EIF4E3: variants seen among roughly 807,000 people sequenced by gnomAD.
EIF4E3 encodes the protein eukaryotic translation initiation factor 4E family member 3.
A neutral mutation model predicts 31.7 loss-of-function variants in EIF4E3; 26 were observed. That is an observed-to-expected ratio of 0.82 (90% CI 0.60 to 1.14). EIF4E3 has a LOEUF of 1.14. Ranked by LOEUF, EIF4E3 falls within the 50% of genes most tolerant of loss-of-function variation. The pLI, the probability that EIF4E3 is intolerant of heterozygous loss-of-function variation, is 0.00. For synonymous variants in EIF4E3, 128 were observed against 107.7 expected, an observed-to-expected ratio of 1.19 and a Z score of -1.17; for missense variants, 304 against 270.9, an observed-to-expected ratio of 1.12 and a Z score of -0.86.
chr3:71,725,031 C>T lies in EIF4E3; in HGVS notation c.176+161G>A, dbSNP rs1019259912. Among the ~76,000 whole-genome samples the T allele has an allele frequency of 6.6e-6, 1 of 151,970 alleles. No homozygotes were observed. Among genetic ancestry groups the T allele is most frequent in the African/African-American group, 2.4e-5 (1 of 41,426 alleles). ...GCGCGGCCCGAAGCTGGCTTCCGAC[C>T]CGGCGGGGCGAGTCCCGGGGTGCGC... is the stretch of plus-strand genomic sequence containing the variant. On this transcript the variant is annotated intron_variant, in intron 1 of 6. Transcript: ENST00000425534. This position sits in a 1 kb window ranked among gnomAD's most constrained non-coding sequence, Gnocchi z 6.1.
chr3:71,690,994 G>A (rs933316932), intron 5 of EIF4E3, among the ~76,000 whole-genome samples: 4 of 152,150 alleles, frequency 2.6e-5, no homozygotes, highest in Non-Finnish European at 4.4e-5. Flanking sequence ...TGAGAACGGC[G>A]GATGGATAGT....
intron 1 of EIF4E3, among the ~76,000 whole-genome samples, chr3:71,711,771 G>A (rs1393921428): frequency 2.6e-5 from 4 of 152,216 alleles, no homozygotes; most frequent in Non-Finnish European, 5.9e-5. Context: ...GAGGACAGGA[G>A]TTTGAGACCA....
chr3:71,734,121 C>T (rs1469063595), intron 1 of EIF4E3, among the ~76,000 whole-genome samples: 6 of 152,180 alleles, frequency 3.9e-5, no homozygotes, highest in Admixed American at 3.9e-4. Flanking sequence ...TGGCAGGTTG[C>T]ACCTTATGGT....
At chr3:71,696,320 G>T in intron 4 of EIF4E3, 140 bp downstream of exon 4, 1 of 798,086 alleles carries the variant, frequency 1.3e-6, no homozygotes, top group Non-Finnish European at 2.0e-6. Flanking sequence ...AATCATCAAG[G>T]TCAGAACAGA....
chr3:71,713,056 T>A (rs1444248608), intron 1 of EIF4E3, among the ~76,000 whole-genome samples: 1 of 152,104 alleles, frequency 6.6e-6, no homozygotes, highest in East Asian at 1.9e-4. Flanking sequence ...TAGAATAAAA[T>A]AACAACTAGG....
rs1335894537 is a variant in EIF4E3 at position 71,725,311 on chromosome 3, G to A, written c.57C>T (p.Ser19=). The part of the protein sequence containing the change: ...PPAGAREPPG[S]RAAAAAAAPE... ...GGGCGGCGGCAGCGGCGGCGGCGCG[G>A]GACCCCGGCGGCTCCCGGGCCCCGG... The change falls in exon 1 of 7, where the codon TCC becomes TCT. Residue 19 remains serine, a synonymous_variant. Transcript: ENST00000425534. The surrounding 1 kb of genome is among the most constrained non-coding windows in gnomAD (Gnocchi z 6.1). The A allele has an allele frequency of 4.9e-5, 48 of 979,444 alleles. No homozygotes were observed. The highest frequency in any genetic ancestry group is 5.8e-5 in the Non-Finnish European group (48 of 825,194). The allele number at this position is 979,444 out of a possible 1,614,324, so 60.7% of individuals were successfully genotyped here. A position where few individuals can be genotyped will look rare whatever the true frequency, so the allele number is the denominator to read the frequency against.
intron 1 of EIF4E3, among the ~76,000 whole-genome samples, chr3:71,741,248 A>AAGT (rs2049818220): frequency 1.3e-5 from 2 of 152,084 alleles, no homozygotes; most frequent in African/African-American, 4.8e-5. Context: ...TTGTAAGCAA[A>AAGT]AGTAGGAGTT....
At chr3:71,751,433 C>T (rs566741347) in intron 1 of EIF4E3, among the ~76,000 whole-genome samples, 1 of 152,186 alleles carries the variant, frequency 6.6e-6, no homozygotes, top group African/African-American at 2.4e-5. Flanking sequence ...GCTTGGCATA[C>T]GGCAAGTGCT....
chr3:71,693,661 T>C (rs778924193), intron 5 of EIF4E3, among the ~76,000 whole-genome samples: 4 of 152,198 alleles, frequency 2.6e-5, no homozygotes, highest in Non-Finnish European at 5.9e-5. Flanking sequence ...TATATAAATA[T>C]GCACATATGT....
chr3:71,688,567 C>CG (rs1175407192), intron 6 of EIF4E3, among the ~76,000 whole-genome samples: 1 of 152,136 alleles, frequency 6.6e-6, no homozygotes. Context: ...GTGTTCTCCT[C>CG]TTTAGAGTCA....
downstream of EIF4E3, among the ~76,000 whole-genome samples, chr3:71,673,932 A>AT (rs1559581282): frequency 0.02 from 2,540 of 127,296 alleles, 26 homozygotes; most frequent in Middle Eastern, 0.039. Flanking sequence ...TATATATATA[A>AT]AAAACATAAT....
At chr3:71,670,416 C>T (rs892981640), downstream of EIF4E3, among the ~76,000 whole-genome samples, 14 of 152,162 alleles carry the variant, frequency 9.2e-5, no homozygotes, top group Non-Finnish European at 1.6e-4. Context: ...CATTGCACCC[C>T]CCCAACCCCC....
chr3:71,700,265 T>C (rs1260935327), intron 2 of EIF4E3, among the ~76,000 whole-genome samples: 2 of 152,228 alleles, frequency 1.3e-5, no homozygotes, highest in South Asian at 2.1e-4. Context: ...AAGCTATGGT[T>C]ATTAAGCAAA....
In EIF4E3 at chr3:71,690,049, G is replaced by A. The variant is rs1022877113; in HGVS notation, c.589C>T (p.Leu197Phe). 1.9e-6 allele frequency: 3 copies of A among 1,613,332 alleles called. No individual in the cohort carries two copies. ...EATVLEKIYELLPHITFKAVF... is the reference protein window; with the variant it reads ...EATVLEKIYEFLPHITFKAVF... ...GCTTTAAAAGTTATGTGGGGCAGAA[G>A]TTCATAGATCTTTTCTAAAACAGTC... The change falls in exon 6 of 7, where the codon CTT becomes TTT. Residue 197 changes from leucine (L) to phenylalanine (F), a missense_variant. Coordinates refer to ENST00000425534, the MANE Select transcript of EIF4E3 (RefSeq NM_001134651.2).
chr3:71,727,153 C>G (rs1326082977), upstream of EIF4E3, among the ~76,000 whole-genome samples: 1 of 152,226 alleles, frequency 6.6e-6, no homozygotes, highest in Non-Finnish European at 1.5e-5. Flanking sequence ...AGAACACTAA[C>G]AAGTCCACAA....
chr3:71,749,452 G>C (rs912943778), intron 1 of EIF4E3, among the ~76,000 whole-genome samples: 1 of 152,168 alleles, frequency 6.6e-6, no homozygotes, highest in African/African-American at 2.4e-5. Flanking sequence ...CTAAGAGTTG[G>C]GATGGAGTTA....
intron 2 of EIF4E3, 59 bp from the exon 3 acceptor site, chr3:71,699,767 T>TA: frequency 7.0e-7 from 1 of 1,427,756 alleles, no homozygotes; most frequent in South Asian, 1.2e-5. Context: ...ATTATGCTGC[T>TA]AGATTATCAA....
chr3:71,706,199 C>T (rs796350757), intron 2 of EIF4E3, among the ~76,000 whole-genome samples: 22 of 152,152 alleles, frequency 1.4e-4, no homozygotes, highest in Non-Finnish European at 2.8e-4. Context: ...TCCTCAATCA[C>T]GGGGAGTAAA....
chr3:71,726,123 T>G (rs537340779), upstream of EIF4E3, among the ~76,000 whole-genome samples: 8 of 151,832 alleles, frequency 5.3e-5, no homozygotes, highest in South Asian at 1.7e-3. Flanking sequence ...CTCCGCTGAT[T>G]TGAAGGGGCC....
Sources: gnomAD v4.1 joint callset for allele counts (sites outside exome capture counted in the v4.1 genomes callset) on GRCh38, gnomAD v4.1.1 for gene constraint, Gnocchi (gnomAD v3.1) non-coding constraint, MANE v1.5 for transcripts, NCBI Gene and HGNC (gene_info 2026-07-23, HGNC 2026-07-21) for gene names.